The following KCNH7 variants were observed in gnomAD, a reference collection of about 807,000 sequenced individuals.
KCNH7 encodes the protein potassium voltage-gated channel subfamily H member 7.
A neutral mutation model predicts 120.8 loss-of-function variants in KCNH7; 49 were observed. The ratio of observed to expected loss-of-function variants is 0.41; its 90% CI spans 0.32 to 0.51. The LOEUF (loss-of-function observed/expected upper bound fraction) is 0.51. KCNH7 is among the 20% of genes least tolerant of loss of function. KCNH7 has a pLI of 0.38. For synonymous variants in KCNH7, 547 were observed against 516.1 expected (o/e 1.06, Z -0.81); for missense variants, 1,097 against 1,446.6 (o/e 0.76, Z 3.92).
chr2:162,641,717 A>T (rs1046468106), intron 2 of KCNH7, among the ~76,000 whole-genome samples: 1 of 145,180 alleles, frequency 6.9e-6, no homozygotes, highest in African/African-American at 2.7e-5. Flanking sequence ...TTGTATCTTG[A>T]TTACATCAAT....
intron 12 of KCNH7, among the ~76,000 whole-genome samples, chr2:162,388,337 C>T (rs961499841): frequency 1.8e-4 from 27 of 151,430 alleles, no homozygotes; most frequent in African/African-American, 6.3e-4. Context: ...AGAGATTAGA[C>T]CTTAAATGTT....
chr2:162,761,578 A>G (rs1688967674), intron 2 of KCNH7, among the ~76,000 whole-genome samples: 1 of 152,126 alleles, frequency 6.6e-6, no homozygotes, highest in Non-Finnish European at 1.5e-5. Context: ...TTGAACATTT[A>G]ACAGCAACTC....
chr2:162,537,377 A>T (rs1024963378), intron 2 of KCNH7, among the ~76,000 whole-genome samples: 1 of 151,994 alleles, frequency 6.6e-6, no homozygotes, highest in African/African-American at 2.4e-5. Flanking sequence ...TTTTAAAAAG[A>T]TATATTCTTT....
chr2:162,378,943 G>C (rs184749105), intron 14 of KCNH7, among the ~76,000 whole-genome samples: 1 of 152,182 alleles, frequency 6.6e-6, no homozygotes, highest in African/African-American at 2.4e-5. Context: ...TGGTAACTTC[G>C]TTACATTATG....
intron 2 of KCNH7, among the ~76,000 whole-genome samples, chr2:162,627,887 T>C (rs1304756504): frequency 8.2e-6 from 1 of 121,462 alleles, no homozygotes; most frequent in East Asian, 2.5e-4. Context: ...AGTGTGCACC[T>C]AGAAGTTGCT....
intron 2 of KCNH7, among the ~76,000 whole-genome samples, chr2:162,728,750 C>T (rs1389027689): frequency 1.3e-5 from 2 of 152,110 alleles, no homozygotes; most frequent in African/African-American, 4.8e-5. Context: ...TGTACTCCAG[C>T]CTGGGCAACA....
chr2:162,663,173 A>G (rs1685025096), intron 2 of KCNH7, among the ~76,000 whole-genome samples: 1 of 152,208 alleles, frequency 6.6e-6, no homozygotes, highest in Non-Finnish European at 1.5e-5. Flanking sequence ...CATTATTGTG[A>G]AGTGACAATA....
intron 2 of KCNH7, among the ~76,000 whole-genome samples, chr2:162,677,727 T>A (rs970211580): frequency 6.6e-6 from 1 of 151,538 alleles, no homozygotes; most frequent in African/African-American, 2.4e-5. Context: ...GCTTAGTAGA[T>A]TCTGTCAAAC....
intron 2 of KCNH7, among the ~76,000 whole-genome samples, chr2:162,616,696 A>G (rs985238302): frequency 6.6e-6 from 1 of 152,248 alleles, no homozygotes; most frequent in Non-Finnish European, 1.5e-5. Flanking sequence ...CAAGTAGCAG[A>G]GAAATGGAAA....
chr2:162,577,326 T>C (rs1693709310), intron 2 of KCNH7, among the ~76,000 whole-genome samples: 1 of 140,826 alleles, frequency 7.1e-6, no homozygotes, highest in Non-Finnish European at 1.6e-5. Context: ...TCTATCTATC[T>C]ATCTGTCTAT....
intron 2 of KCNH7, among the ~76,000 whole-genome samples, chr2:162,765,849 T>C (rs2105460679): frequency 6.6e-6 from 1 of 152,278 alleles, no homozygotes; most frequent in East Asian, 1.9e-4. Flanking sequence ...AGCCTTGTGC[T>C]CTTGGGCTCA....
chr2:162,406,905 C>T (rs1687244140), intron 9 of KCNH7, among the ~76,000 whole-genome samples: 1 of 151,954 alleles, frequency 6.6e-6, no homozygotes, highest in South Asian at 2.1e-4. Context: ...ATACATATTT[C>T]CTGTTTGGCA....
intron 2 of KCNH7, among the ~76,000 whole-genome samples, chr2:162,614,945 G>T (rs893512282): frequency 1.3e-5 from 2 of 151,758 alleles, no homozygotes; most frequent in African/African-American, 4.8e-5. Context: ...TATTTAAAAA[G>T]AAAAAGATAA....
At chr2:162,503,361 T>C (rs1242423964) in intron 6 of KCNH7, among the ~76,000 whole-genome samples, 1 of 152,078 alleles carries the variant, frequency 6.6e-6, no homozygotes, top group African/African-American at 2.4e-5. Flanking sequence ...ACTGTTCATT[T>C]ACCCATTTTA....
intron 2 of KCNH7, among the ~76,000 whole-genome samples, chr2:162,619,652 A>G (rs1683277600): frequency 6.6e-6 from 1 of 151,768 alleles, no homozygotes; most frequent in African/African-American, 2.4e-5. Context: ...CAATATATAT[A>G]TCTATCAATG....
chr2:162,750,450 C>A (rs1229409377), intron 2 of KCNH7, among the ~76,000 whole-genome samples: 3 of 152,050 alleles, frequency 2.0e-5, no homozygotes, highest in Admixed American at 2.0e-4. Flanking sequence ...GATTTTAGAA[C>A]TGCATCAGCT....
At chr2:162,588,128 C>T (rs1013256068) in intron 2 of KCNH7, among the ~76,000 whole-genome samples, 9 of 152,082 alleles carry the variant, frequency 5.9e-5, no homozygotes, top group Non-Finnish European at 1.3e-4. Context: ...AAAGCACTGC[C>T]ACAACCTACC....
intron 8 of KCNH7, among the ~76,000 whole-genome samples, chr2:162,434,015 T>A (rs979022730): frequency 1.3e-5 from 2 of 151,916 alleles, no homozygotes; most frequent in African/African-American, 4.8e-5. Flanking sequence ...AAATAAAACG[T>A]AGTACATATA....
chr2:162,574,883 T>C (rs1693617954), intron 2 of KCNH7, among the ~76,000 whole-genome samples: 1 of 152,104 alleles, frequency 6.6e-6, no homozygotes, highest in African/African-American at 2.4e-5. Flanking sequence ...AAACATTAAC[T>C]ATTGTTGCTT....
Sources: allele counts gnomAD v4.1 joint callset (sites outside exome capture counted in the v4.1 genomes callset), GRCh38; gene constraint gnomAD v4.1.1; transcripts MANE v1.5; gene names NCBI Gene and HGNC (gene_info 2026-07-23, HGNC 2026-07-21).